Variants in SCARB1 observed in about 807,000 individuals in gnomAD.
SCARB1 encodes the protein scavenger receptor class B member 1, also known as CD36 and LIMPII analogous 1.
In SCARB1, 30 loss-of-function variants were observed where a neutral mutation model predicts 57.2. That is an observed-to-expected ratio of 0.52 (90% CI 0.39 to 0.71). SCARB1 has a LOEUF of 0.71. Ranked by LOEUF, SCARB1 falls within the 30% of genes least tolerant of loss-of-function variation. SCARB1 has a pLI of 0.00. For synonymous variants in SCARB1, 249 were observed against 268.3 expected, an observed-to-expected ratio of 0.93 and a Z score of 0.70; for missense variants, 543 against 671.2, an observed-to-expected ratio of 0.81 and a Z score of 2.11.
At chr12:124,847,771 G>T (rs1196751352) in intron 1 of SCARB1, among the ~76,000 whole-genome samples, 1 of 152,214 alleles carries the variant, frequency 6.6e-6, no homozygotes, top group East Asian at 1.9e-4. Context: ...GACTTGCACT[G>T]TGACTGCCAG....
chr12:124,805,669 C>T (rs556140606), intron 7 of SCARB1, among the ~76,000 whole-genome samples: 87 of 152,092 alleles, frequency 5.7e-4, no homozygotes, highest in Non-Finnish European at 9.4e-4. Context: ...GGCCATCCTT[C>T]CACCCCAGCT....
intron 1 of SCARB1, among the ~76,000 whole-genome samples, chr12:124,821,888 A>G (rs1950969145): frequency 6.6e-6 from 1 of 152,188 alleles, no homozygotes. Context: ...AGCTGATTAG[A>G]TAACAGTGGT....
chr12:124,814,454 A>G lies in SCARB1; in HGVS notation c.427-49T>C. The G allele has an allele frequency of 1.3e-6, 2 of 1,585,466 alleles. No homozygotes were observed. ...GTCAGAGGCTGGACGTGGCTGGCCC[A>G]TCCTCCCTTGGCCCCAGCTGGGCCT... On this transcript the variant is annotated intron_variant, in intron 3 of 12. Coordinates refer to ENST00000261693, the MANE Select transcript of SCARB1 (RefSeq NM_005505.5). This position sits in a 1 kb window ranked among gnomAD's most constrained non-coding sequence, Gnocchi z 4.7.
rs56299837 is a variant in SCARB1 at position 124,819,129 on chromosome 12, T to TA, written c.127-1423dup. Among the ~76,000 whole-genome samples the TA allele has an allele frequency of 0.03, 4,185 of 137,612 alleles. 487 individuals carry two copies. In the East Asian group the frequency reaches 0.39, roughly 13 times the overall value. The allele number at this position is 137,612 out of a possible 152,430, so 90.3% of individuals were successfully genotyped here. A position where few individuals can be genotyped will look rare whatever the true frequency, so the allele number is the denominator to read the frequency against. On this transcript the variant is annotated intron_variant, in intron 1 of 12. Transcript: ENST00000261693. ...GGTGTCCAAGCAACACCCTGTCTCA[T>TA]AAAAAAAAAAAAAAGAAAAGAAAGA... is the stretch of plus-strand genomic sequence containing the variant.
chr12:124,801,640 GAGC>G (rs1950133821), intron 7 of SCARB1, among the ~76,000 whole-genome samples: 1 of 151,932 alleles, frequency 6.6e-6, no homozygotes, highest in African/African-American at 2.4e-5. Context: ...AAAATTAGCT[GAGC>G]ATGGTATGTG....
intron 1 of SCARB1, among the ~76,000 whole-genome samples, chr12:124,859,629 G>A (rs11834185): frequency 0.014 from 2,101 of 152,276 alleles, 50 homozygotes; most frequent in African/African-American, 0.047. Flanking sequence ...AGCCACTTCT[G>A]TTAGTCTCAC....
intron 1 of SCARB1, chr12:124,839,362 A>G (rs1051889527): frequency 1.4e-5 from 6 of 439,832 alleles, no homozygotes; most frequent in African/African-American, 1.2e-4. Context: ...AGGCCCGTGC[A>G]TGTCGCAGCG....
At chr12:124,815,159 G>A in intron 2 of SCARB1, 45 bp from the exon 3 acceptor site, 1 of 1,606,398 alleles carries the variant, frequency 6.2e-7, no homozygotes, top group South Asian at 1.1e-5. Flanking sequence ...CCGCTGCATG[G>A]GACGTTTCCC....
At chr12:124,804,280 C>G (rs1476706277) in intron 7 of SCARB1, among the ~76,000 whole-genome samples, 1 of 152,184 alleles carries the variant, frequency 6.6e-6, no homozygotes, top group East Asian at 1.9e-4. Flanking sequence ...CTGCAGGACT[C>G]GGAGCTGGGC....
chr12:124,811,111 C>T (rs1453662267), intron 5 of SCARB1, among the ~76,000 whole-genome samples: 2 of 152,188 alleles, frequency 1.3e-5, no homozygotes, highest in Admixed American at 1.3e-4. Flanking sequence ...GAAACAATTC[C>T]GTATTTCTCT....
chr12:124,862,757 T>A (rs1354250152), intron 1 of SCARB1, among the ~76,000 whole-genome samples: 1 of 133,960 alleles, frequency 7.5e-6, no homozygotes, highest in Non-Finnish European at 1.7e-5. Context: ...CTCCCAGCCC[T>A]TCCCTAACTC....
chr12:124,808,440 G>A (rs1289557794), intron 6 of SCARB1, among the ~76,000 whole-genome samples: 1 of 152,134 alleles, frequency 6.6e-6, no homozygotes. Context: ...GCTCAGCCCT[G>A]CCCCAACTTC....
chr12:124,804,002 G>A (rs557290263), intron 7 of SCARB1, among the ~76,000 whole-genome samples: 20 of 152,324 alleles, frequency 1.3e-4, no homozygotes, highest in South Asian at 4.1e-4. Flanking sequence ...CTCGTCCCAC[G>A]CCCTTGGAGG....
chr12:124,837,447 G>T (rs1159646216), intron 1 of SCARB1, among the ~76,000 whole-genome samples: 1 of 122,534 alleles, frequency 8.2e-6, no homozygotes, highest in East Asian at 2.2e-4. Flanking sequence ...AGAAAGAAAA[G>T]AAAGAAAGAA....
intron 1 of SCARB1, among the ~76,000 whole-genome samples, chr12:124,833,559 G>A (rs1951508719): frequency 6.6e-6 from 1 of 152,056 alleles, no homozygotes; most frequent in South Asian, 2.1e-4. Context: ...CAGGTCCTGG[G>A]GATCAGGACG....
At chr12:124,816,090 C>A (rs1303780812) in intron 2 of SCARB1, among the ~76,000 whole-genome samples, 1 of 152,204 alleles carries the variant, frequency 6.6e-6, no homozygotes, top group Non-Finnish European at 1.5e-5. Flanking sequence ...AGGGCCTCTT[C>A]CCACCATGCG....
chr12:124,792,154 A>G (rs1949756644), intron 9 of SCARB1, among the ~76,000 whole-genome samples: 1 of 152,150 alleles, frequency 6.6e-6, no homozygotes, highest in Non-Finnish European at 1.5e-5. Flanking sequence ...TGGGAATTGT[A>G]TTCAAGTAAC....
In SCARB1 at chr12:124,787,712, G is replaced by GT. The variant is rs374041503; in HGVS notation, c.1203-256dup. 2.0e-3 allele frequency among the ~76,000 whole-genome samples: 259 copies of GT among 129,834 alleles called. 1 individual carries two copies. Among genetic ancestry groups the GT allele is most frequent in the African/African-American group, 5.5e-3 (169 of 30,634 alleles). The allele number at this position is 129,834 out of a possible 152,430, so 85.2% of individuals were successfully genotyped here. A position where few individuals can be genotyped will look rare whatever the true frequency, so the allele number is the denominator to read the frequency against. ...ACTTTAAATCTTTAAAAGGCGTTTT[G>GT]TTTTTTTTTTTCTTTAGTTGACAAG... On this transcript the variant is annotated intron_variant, in intron 9 of 12. Transcript: ENST00000261693.
Position 124,814,856 on chromosome 12 carries a change from G to A in SCARB1, c.426+117C>T, listed in dbSNP as rs58710319. ...CAGGGCCGAAAGCCACCCACCAGGCGTGAGTCCCCACGCTCCGACCACCTC... is the reference window on the plus strand; with the variant it reads ...CAGGGCCGAAAGCCACCCACCAGGCATGAGTCCCCACGCTCCGACCACCTC... On this transcript the variant is annotated intron_variant, in intron 3 of 12. Transcript: ENST00000261693. The surrounding 1 kb of genome is among the most constrained non-coding windows in gnomAD (Gnocchi z 4.7). 1.9e-3 allele frequency: 2,509 copies of A among 1,349,576 alleles called. 34 individuals carry two copies. In the African/African-American group the frequency reaches 0.026, roughly 14 times the overall value. The allele number at this position is 1,349,576 out of a possible 1,614,324, so 83.6% of individuals were successfully genotyped here.
Sources: gnomAD v4.1 joint callset for allele counts (sites outside exome capture counted in the v4.1 genomes callset) on GRCh38, gnomAD v4.1.1 for gene constraint, Gnocchi (gnomAD v3.1) non-coding constraint, MANE v1.5 for transcripts, NCBI Gene and HGNC (gene_info 2026-07-23, HGNC 2026-07-21) for gene names.